ACO2: variants seen among roughly 807,000 people sequenced by gnomAD.
ACO2 encodes aconitate hydratase, mitochondrial.
A neutral mutation model predicts 84.5 loss-of-function variants in ACO2; 31 were observed. That is an observed-to-expected ratio of 0.37 (90% CI 0.28 to 0.50). The LOEUF is 0.50. Ranked by LOEUF, ACO2 falls within the 20% of genes least tolerant of loss-of-function variation. ACO2 has a pLI of 0.97. For synonymous variants in ACO2, 414 were observed against 412.7 expected (o/e 1.00, Z -0.04); for missense variants, 685 against 1,029.3 (o/e 0.67, Z 4.58).
chr22:41,487,549 T>G (rs190425725), intron 1 of ACO2, among the ~76,000 whole-genome samples: 97 of 152,294 alleles, frequency 6.4e-4, no homozygotes, highest in Non-Finnish European at 8.4e-4. Context: ...AAGCATTGAC[T>G]TGATAATTGG....
intron 14 of ACO2, among the ~76,000 whole-genome samples, chr22:41,525,613 C>T (rs2066577668): frequency 6.6e-6 from 1 of 152,238 alleles, no homozygotes; most frequent in African/African-American, 2.4e-5. Flanking sequence ...ATCAGAGCCA[C>T]CTCCAGTGGG....
chr22:41,527,208 TG>T, intron 15 of ACO2, 79 bp from the exon 16 acceptor site: 1 of 1,601,840 alleles, frequency 6.2e-7, no homozygotes, highest in Admixed American at 1.7e-5. Context: ...GCCAGGTGGG[TG>T]AGGCCAGGCA....
intron 1 of ACO2, among the ~76,000 whole-genome samples, chr22:41,485,480 G>A (rs1238010153): frequency 4.1e-5 from 5 of 121,408 alleles, no homozygotes; most frequent in Non-Finnish European, 6.4e-5. Context: ...TCGCTCTGTC[G>A]CCCAGTCTGG....
chr22:41,522,997 C>T lies in ACO2; in HGVS notation c.1296+10C>T, dbSNP rs747414082. On this transcript the variant is annotated intron_variant, in intron 10 of 17. Transcript: ENST00000216254. ...TGAGCGGGACGGCTATGTGAGTGCC[C>T]ATATCCCCCTGCCCATCTCCCCCAC... The T allele has an allele frequency of 5.0e-6, 8 of 1,613,740 alleles. No individual in the cohort carries two copies. The Admixed American group carries it at 1.3e-4, about 27-fold the overall frequency.
At chr22:41,507,025 C>G (rs73178616) in intron 2 of ACO2, among the ~76,000 whole-genome samples, 31 of 151,880 alleles carry the variant, frequency 2.0e-4, no homozygotes, top group Admixed American at 5.9e-4. Flanking sequence ...TGAGTCCTGA[C>G]AGGGCCGGAC....
At chr22:41,512,759 GTC>G (rs1451847302) in intron 4 of ACO2, among the ~76,000 whole-genome samples, 1 of 152,208 alleles carries the variant, frequency 6.6e-6, no homozygotes, top group Admixed American at 6.5e-5. Context: ...GGACAGTTTT[GTC>G]TCTGGAAGTG....
At position 41,515,560 on chromosome 22, in the gene ACO2, TG is replaced by T. The variant is rs1276587987; in HGVS notation, c.684+28del. Reference sequence around the variant, plus strand: ...GGTGAGGGTGGGGAGGGACTCATTCTGGGCTGGCTGTGGGGTGGTGGTTGGT... The same window carrying T: ...GGTGAGGGTGGGGAGGGACTCATTCTGGCTGGCTGTGGGGTGGTGGTTGGT... On this transcript the variant is annotated intron_variant, in intron 5 of 17. Transcript: ENST00000216254. This position sits in a 1 kb window ranked among gnomAD's most constrained non-coding sequence, Gnocchi z 5.8. The T allele has an allele frequency of 6.3e-7, 1 of 1,594,446 alleles. No individual in the cohort carries two copies. The highest frequency in any genetic ancestry group is 1.3e-5 in the African/African-American group (1 of 74,338).
In ACO2 at chr22:41,528,007, C is replaced by T. The variant is rs752305933; in HGVS notation, c.2193C>T (p.Asp731=). 8 of 1,614,072 alleles carry T rather than the reference C, an allele frequency of 5.0e-6. No individual in the cohort carries two copies. Among genetic ancestry groups the T allele is most frequent in the Middle Eastern group, 3.3e-4 (2 of 6,078 alleles). ...AGCTGACCATTCAGGGCCTGAAGGACTTCACCCCTGGCAAGGTTAGGGGCC... is the reference window on the plus strand; with the variant it reads ...AGCTGACCATTCAGGGCCTGAAGGATTTCACCCCTGGCAAGGTTAGGGGCC... ...VDKLTIQGLK[D]FTPGKPLKCI... is the part of the protein sequence containing the mutation. The change falls in exon 17 of 18, where the codon GAC becomes GAT. Residue 731 remains aspartate (D), a synonymous_variant. Transcript: ENST00000216254.
chr22:41,528,060 G>A, intron 17 of ACO2, 38 bp downstream of exon 17: 3 of 1,613,318 alleles, frequency 1.9e-6, no homozygotes, highest in Non-Finnish European at 2.5e-6. Context: ...GTGGGGTGAG[G>A]GGCAGCCACC....
chr22:41,469,263 AG>A, intron 1 of ACO2, 81 bp downstream of exon 1: 1 of 1,523,450 alleles, frequency 6.6e-7, no homozygotes, highest in Non-Finnish European at 8.9e-7. Flanking sequence ...AGGCAGGGCG[AG>A]GCGGGCCCAA....
At chr22:41,484,151 G>A (rs191259010) in intron 1 of ACO2, among the ~76,000 whole-genome samples, 20 of 152,234 alleles carry the variant, frequency 1.3e-4, no homozygotes, top group East Asian at 1.9e-4. Context: ...TTAATAATGC[G>A]TAAAGATGTT....
intron 9 of ACO2, chr22:41,521,459 A>G (rs2066525968): frequency 6.6e-6 from 1 of 152,214 alleles, no homozygotes; most frequent in Non-Finnish European, 1.5e-5. Context: ...TTCACTGTCT[A>G]TGTGTGGGTT....
At chr22:41,489,880 C>CA (rs1247768122) in intron 1 of ACO2, among the ~76,000 whole-genome samples, 1 of 151,806 alleles carries the variant, frequency 6.6e-6, no homozygotes, top group Non-Finnish European at 1.5e-5. Flanking sequence ...TTGCACATTT[C>CA]AAAAAACCAA....
chr22:41,492,045 C>T (rs2066275078), intron 1 of ACO2, among the ~76,000 whole-genome samples: 1 of 152,186 alleles, frequency 6.6e-6, no homozygotes, highest in South Asian at 2.1e-4. Context: ...AACTGCATAC[C>T]AGCTATCGAA....
At chr22:41,478,075 C>A (rs1048273594) in intron 1 of ACO2, among the ~76,000 whole-genome samples, 1 of 151,654 alleles carries the variant, frequency 6.6e-6, no homozygotes, top group Admixed American at 6.6e-5. Context: ...AAAAAAAAAA[C>A]CAAACCAGTT....
intron 2 of ACO2, among the ~76,000 whole-genome samples, chr22:41,501,151 G>T (rs2146107694): frequency 6.6e-6 from 1 of 152,238 alleles, no homozygotes; most frequent in Middle Eastern, 3.4e-3. Flanking sequence ...CCACAGGCGT[G>T]AGCCACCATG....
intron 9 of ACO2, among the ~76,000 whole-genome samples, chr22:41,522,076 C>G (rs1043278095): frequency 2.0e-5 from 3 of 152,192 alleles, no homozygotes; most frequent in African/African-American, 7.2e-5. Flanking sequence ...CCTGGCCAGT[C>G]CCAACACTTT....
intron 6 of ACO2, among the ~76,000 whole-genome samples, chr22:41,516,625 C>T (rs144386616): frequency 2.0e-5 from 3 of 152,328 alleles, no homozygotes; most frequent in Non-Finnish European, 2.9e-5. Flanking sequence ...CCTAGTGGCT[C>T]CTGAGGCAGG....
At chr22:41,524,440 A>T (rs2066558715) in intron 12 of ACO2, among the ~76,000 whole-genome samples, 1 of 152,136 alleles carries the variant, frequency 6.6e-6, no homozygotes, top group African/African-American at 2.4e-5. Context: ...TTGGTTGTTT[A>T]TCTGCGTGTT....
Sources: gnomAD v4.1 joint callset for allele counts (sites outside exome capture counted in the v4.1 genomes callset) on GRCh38, gnomAD v4.1.1 for gene constraint, Gnocchi (gnomAD v3.1) non-coding constraint, MANE v1.5 for transcripts, NCBI Gene and HGNC (gene_info 2026-07-23, HGNC 2026-07-21) for gene names.